PDE4D: variants seen among roughly 807,000 people sequenced by gnomAD.
PDE4D encodes the protein 3',5'-cyclic-AMP phosphodiesterase 4D.
Under a neutral mutation model 87.4 loss-of-function variants are expected in PDE4D, and 24 were observed. That is an observed-to-expected ratio of 0.27 (90% CI 0.20 to 0.39). PDE4D has a LOEUF of 0.39. Among genes scored for constraint, PDE4D ranks in the 10% least tolerant of loss-of-function variants. The pLI is 1.00. For missense variants in PDE4D, 714 were observed against 1,041.0 expected, an observed-to-expected ratio of 0.69 and a Z score of 4.32; for synonymous variants, 384 against 383.2, an observed-to-expected ratio of 1.00 and a Z score of -0.02.
chr5:59,278,336 G>A (rs1259547644), intron 1 of PDE4D, among the ~76,000 whole-genome samples: 4 of 152,142 alleles, frequency 2.6e-5, no homozygotes, highest in South Asian at 4.1e-4. Context: ...GCAGGCTGAT[G>A]AGGAGGCCTG....
Position 59,750,780 on chromosome 5 carries a change from TA to T in PDE4D, c.455+142387del, listed in dbSNP as rs1361634656. On this transcript the variant is annotated intron_variant, in intron 1 of 14. Transcript: ENST00000340635. Reference sequence around the variant, plus strand: ...GTGAGACCCCCATCCCTACAAAAAATAAAAAGTTATCTAGGCCTGGTAGCAT... The same window carrying T: ...GTGAGACCCCCATCCCTACAAAAAATAAAAGTTATCTAGGCCTGGTAGCAT... 2.6e-5 allele frequency among the ~76,000 whole-genome samples: 4 copies of T among 151,492 alleles called. 1 individual carries two copies. Among genetic ancestry groups the T allele is most frequent in the African/African-American group, 9.7e-5 (4 of 41,318 alleles).
At chr5:59,551,200 A>G (rs1216008127) in intron 1 of PDE4D, among the ~76,000 whole-genome samples, 2 of 150,738 alleles carry the variant, frequency 1.3e-5, no homozygotes, top group Non-Finnish European at 3.0e-5. Flanking sequence ...TATCCTCCCT[A>G]TGTTGAAATT....
At chr5:59,706,681 T>A (rs1753452502) in intron 1 of PDE4D, among the ~76,000 whole-genome samples, 1 of 152,128 alleles carries the variant, frequency 6.6e-6, no homozygotes, top group Non-Finnish European at 1.5e-5. Flanking sequence ...ATCCTTTGCT[T>A]ATAGGACATA....
intron 1 of PDE4D, among the ~76,000 whole-genome samples, chr5:60,233,447 C>T (rs777081066): frequency 2.0e-5 from 3 of 151,520 alleles, no homozygotes; most frequent in Non-Finnish European, 4.4e-5. Flanking sequence ...TGGAAAAGTA[C>T]AATTTCAAAA....
chr5:59,604,195 A>G (rs1827883369), intron 1 of PDE4D, among the ~76,000 whole-genome samples: 1 of 149,352 alleles, frequency 6.7e-6, no homozygotes, highest in South Asian at 2.1e-4. Context: ...GTCTCTTATT[A>G]CCACTTTATT....
At chr5:60,269,074 C>T (rs558467028) in intron 1 of PDE4D, among the ~76,000 whole-genome samples, 8 of 152,190 alleles carry the variant, frequency 5.3e-5, no homozygotes, top group East Asian at 3.9e-4. Flanking sequence ...GAGGCCGAGG[C>T]GGGCGGATCA....
intron 5 of PDE4D, among the ~76,000 whole-genome samples, chr5:59,042,741 A>C (rs1334514234): frequency 6.6e-6 from 1 of 152,152 alleles, no homozygotes; most frequent in East Asian, 1.9e-4. Flanking sequence ...TGAACTATGT[A>C]ACACCCGCAT....
intron 1 of PDE4D, among the ~76,000 whole-genome samples, chr5:59,630,542 C>T (rs1831433469): frequency 6.6e-6 from 1 of 152,148 alleles, no homozygotes; most frequent in Non-Finnish European, 1.5e-5. Flanking sequence ...GTGGAAAGCC[C>T]TTGTGAGTGG....
intron 1 of PDE4D, among the ~76,000 whole-genome samples, chr5:59,750,397 C>A (rs1760262035): frequency 6.6e-6 from 1 of 152,124 alleles, no homozygotes; most frequent in African/African-American, 2.4e-5. Context: ...GCTCCTACCT[C>A]ATTTTCTATA....
intron 1 of PDE4D, among the ~76,000 whole-genome samples, chr5:59,514,108 C>CTTTTTT (rs766645707): frequency 7.1e-6 from 1 of 139,998 alleles, no homozygotes; most frequent in Non-Finnish European, 1.6e-5. Flanking sequence ...TTACATTTTT[C>CTTTTTT]TTTTTTTTTT....
chr5:60,380,825 C>G (rs996418095), intron 1 of PDE4D, among the ~76,000 whole-genome samples: 4 of 152,140 alleles, frequency 2.6e-5, no homozygotes, highest in African/African-American at 9.7e-5. Flanking sequence ...TTTATGTGTC[C>G]AGCAGTATGT....
chr5:60,037,238 A>G (rs914210459), intron 2 of PDE4D, among the ~76,000 whole-genome samples: 1 of 152,200 alleles, frequency 6.6e-6, no homozygotes, highest in African/African-American at 2.4e-5. Context: ...GCAATACAAT[A>G]TGTTAAAATG....
intron 1 of PDE4D, among the ~76,000 whole-genome samples, chr5:60,194,403 C>T (rs1484269296): frequency 1.3e-5 from 2 of 151,636 alleles, no homozygotes; most frequent in East Asian, 1.9e-4. Flanking sequence ...TGCTACTTCA[C>T]GGGGTCTTCT....
At chr5:60,488,899 T>C (rs1749359741), upstream of PDE4D, among the ~76,000 whole-genome samples, 1 of 152,198 alleles carries the variant, frequency 6.6e-6, no homozygotes, top group Non-Finnish European at 1.5e-5. Context: ...CAGAGAATCT[T>C]AGGAATCCTA....
At chr5:59,817,742 A>ACCCCCCCC (rs567130519) in intron 1 of PDE4D, among the ~76,000 whole-genome samples, 1 of 122,240 alleles carries the variant, frequency 8.2e-6, no homozygotes, top group Non-Finnish European at 1.8e-5. Context: ...ACACACCCAC[A>ACCCCCCCC]CCCCCCCCCA....
chr5:59,307,746 C>A (rs1388703809), intron 1 of PDE4D, among the ~76,000 whole-genome samples: 1 of 152,054 alleles, frequency 6.6e-6, no homozygotes, highest in East Asian at 1.9e-4. Flanking sequence ...AATAGGAATA[C>A]TTTTACACTG....
chr5:59,553,963 G>T (rs1818503690), intron 1 of PDE4D, among the ~76,000 whole-genome samples: 1 of 151,974 alleles, frequency 6.6e-6, no homozygotes, highest in African/African-American at 2.4e-5. Flanking sequence ...ATAGTTTTTT[G>T]AGCTCTGGCC....
intron 1 of PDE4D, among the ~76,000 whole-genome samples, chr5:60,289,657 G>C (rs1389886365): frequency 6.6e-6 from 1 of 152,172 alleles, no homozygotes; most frequent in Non-Finnish European, 1.5e-5. Flanking sequence ...TTAAAGCTCA[G>C]TTAAAATGCA....
At chr5:60,389,354 A>C (rs1299510198) in intron 1 of PDE4D, among the ~76,000 whole-genome samples, 1 of 152,146 alleles carries the variant, frequency 6.6e-6, no homozygotes. Context: ...TTCGAAGGAG[A>C]GAATAAAAAA....
Sources: allele counts gnomAD v4.1 joint callset (sites outside exome capture counted in the v4.1 genomes callset), GRCh38; gene constraint gnomAD v4.1.1; transcripts MANE v1.5; gene names NCBI Gene and HGNC (gene_info 2026-07-23, HGNC 2026-07-21).